DMD: variants seen among roughly 807,000 people sequenced by gnomAD.
The protein encoded by DMD is mutant dystrophin.
In DMD, 63 loss-of-function variants were observed where a neutral mutation model predicts 330.1. The ratio of observed to expected loss-of-function variants is 0.19; its 90% CI spans 0.16 to 0.24. DMD has a LOEUF of 0.24. Ranked by LOEUF, DMD falls within the 10% of genes least tolerant of loss-of-function variation. DMD has a pLI of 1.00. For synonymous variants in DMD, 1,223 were observed against 959.8 expected, an observed-to-expected ratio of 1.27 and a Z score of -5.07; for missense variants, 3,344 against 2,684.1, an observed-to-expected ratio of 1.25 and a Z score of -5.43.
chrX:31,376,481 A>G (rs1354188186), intron 60 of DMD, among the ~76,000 whole-genome samples: 2 of 111,936 alleles, frequency 1.8e-5, no homozygotes, highest in Admixed American at 1.9e-4. Context: ...AGAGGACTTT[A>G]AAGTGGTTGG....
intron 44 of DMD, among the ~76,000 whole-genome samples, chrX:32,066,290 A>T (rs2147738394): frequency 8.9e-6 from 1 of 111,912 alleles, no homozygotes; most frequent in Non-Finnish European, 1.9e-5. Context: ...AAATAAAAAT[A>T]GATGATTGTG....
At chrX:33,033,437 G>A (rs1171756226) in intron 1 of DMD, among the ~76,000 whole-genome samples, 1 of 108,132 alleles carries the variant, frequency 9.2e-6, no homozygotes, top group Non-Finnish European at 1.9e-5. Flanking sequence ...TTGGCCAGGC[G>A]CGGTGGCTCA....
Position 32,111,036 on chromosome X carries a change from T to C in DMD, c.6438+105880A>G, listed in dbSNP as rs747370677. The stretch of plus-strand genomic sequence containing the variant: ...AATGTCTGGACTGTGAAACAGTTTA[T>C]CCATTGTTTACATAAGAAATAATGC... On this transcript the variant is annotated intron_variant, in intron 44 of 78. Coordinates refer to ENST00000357033, the MANE Select transcript of DMD (RefSeq NM_004006.3). Among the ~76,000 whole-genome samples the C allele has an allele frequency of 8.0e-5, 9 of 112,442 alleles. No homozygotes were observed. The East Asian group carries it at 1.7e-3, about 21-fold the overall frequency.
At chrX:32,768,018 C>A (rs748371186) in intron 7 of DMD, among the ~76,000 whole-genome samples, 7 of 111,796 alleles carry the variant, frequency 6.3e-5, no homozygotes, top group Non-Finnish European at 1.3e-4. Context: ...TAACTTTATT[C>A]AATTTCCAGC....
intron 36 of DMD, 63 bp from the exon 37 acceptor site, chrX:32,363,021 AAG>A (rs2097842644): frequency 1.9e-6 from 2 of 1,067,357 alleles, no homozygotes; most frequent in Admixed American, 2.5e-5. Flanking sequence ...AAGATAGAAA[AAG>A]AGAGCCAAAC....
chrX:31,807,507 C>T (rs1022263881), intron 50 of DMD, among the ~76,000 whole-genome samples: 1 of 110,293 alleles, frequency 9.1e-6, no homozygotes, highest in Non-Finnish European at 1.9e-5. Context: ...ATCTTAATGT[C>T]TTTTTCTCTC....
intron 41 of DMD, among the ~76,000 whole-genome samples, chrX:32,326,874 T>A (rs1461442848): frequency 1.9e-5 from 2 of 103,706 alleles, no homozygotes; most frequent in African/African-American, 7.1e-5. Flanking sequence ...GCCACTGCAC[T>A]CCAGCCTGGG....
chrX:33,009,509 TATAC>T (rs2093566107), intron 2 of DMD, among the ~76,000 whole-genome samples: 1 of 94,792 alleles, frequency 1.1e-5, no homozygotes, highest in Non-Finnish European at 2.1e-5. Flanking sequence ...TATATGTGTA[TATAC>T]ACATATGTGT....
chrX:31,314,742 C>CAGAGAGAGAGAGAGAGAAAGAGAGAGAG (rs2055831517), intron 62 of DMD, among the ~76,000 whole-genome samples: 1 of 55,283 alleles, frequency 1.8e-5, no homozygotes, highest in Non-Finnish European at 3.2e-5. Flanking sequence ...AATACATACA[C>CAGAGAGAGAGAGAGAGAAAGAGAGAGAG]AGAGAGAGAG....
chrX:32,117,435 C>T (rs73219215), intron 44 of DMD, among the ~76,000 whole-genome samples: 2,570 of 111,970 alleles, frequency 0.023, 38 homozygotes, highest in Non-Finnish European at 0.037. Flanking sequence ...CCCAGCAGTG[C>T]CCCCTCTTAG....
chrX:32,441,238 T>G lies in DMD; in HGVS notation c.3863A>C (p.Lys1288Thr). The G allele has an allele frequency of 5.8e-6, 7 of 1,209,423 alleles. No individual in the cohort carries two copies. The highest frequency in any genetic ancestry group is 7.8e-6 in the Non-Finnish European group (7 of 893,580). The change falls in exon 28 of 79, where the codon AAA becomes ACA. Residue 1288 changes from lysine to threonine, a missense_variant. Physicochemically the swap from Lys to Thr is moderately conservative, Grantham distance 78. Transcript: ENST00000357033. ...ANKWLNEVEF[K>T]LKTTENIPGG... ...AGGAATGTTTTCAGTGGTTTTAAGT[T>G]TAAATTCTACTTCATTTAGCCACTT...
intron 44 of DMD, among the ~76,000 whole-genome samples, chrX:31,974,600 A>G (rs1037972653): frequency 1.7e-4 from 19 of 110,129 alleles, no homozygotes; most frequent in Admixed American, 3.9e-4. Context: ...TGTTACAGGA[A>G]CTAGAGTCAG....
intron 7 of DMD, among the ~76,000 whole-genome samples, chrX:32,766,563 CTTAA>C (rs756069360): frequency 3.6e-5 from 4 of 110,899 alleles, no homozygotes; most frequent in Non-Finnish European, 7.6e-5. Flanking sequence ...TGCAATTGTG[CTTAA>C]TTTATTAGTT....
At chrX:31,800,972 T>C (rs1295340211) in intron 50 of DMD, among the ~76,000 whole-genome samples, 1 of 111,516 alleles carries the variant, frequency 9.0e-6, no homozygotes, top group Non-Finnish European at 1.9e-5. Context: ...CATTTTCCTG[T>C]CATCTTCTAG....
At chrX:32,163,364 C>G (rs759191409) in intron 44 of DMD, among the ~76,000 whole-genome samples, 1 of 112,476 alleles carries the variant, frequency 8.9e-6, no homozygotes, top group South Asian at 3.7e-4. Context: ...CTGTTCTCCA[C>G]TCCGTGGCTA....
At chrX:32,729,192 C>T (rs1430891596) in intron 7 of DMD, among the ~76,000 whole-genome samples, 1 of 111,799 alleles carries the variant, frequency 8.9e-6, no homozygotes, top group East Asian at 2.8e-4. Context: ...TGAATCATTT[C>T]GGATTTCAGA....
chrX:33,011,939 T>G (rs1258383782), intron 2 of DMD, among the ~76,000 whole-genome samples: 1 of 111,707 alleles, frequency 9.0e-6, no homozygotes, highest in Non-Finnish European at 1.9e-5. Flanking sequence ...TGCTTGGCAC[T>G]GAGACCACTC....
rs1269321237 is a variant in DMD, at chrX:32,653,770, T to C, written c.961-8618A>G. Among the ~76,000 whole-genome samples, 6 of 112,139 alleles carry C rather than the reference T, an allele frequency of 5.4e-5. No homozygotes were observed. The Admixed American group carries it at 5.7e-4, about 11-fold the overall frequency. ...GGGCAGTATGGCCATTTTCACAATA[T>C]TGATTCTTCCTATCCATGAGCATAG... On this transcript the variant is annotated intron_variant, in intron 9 of 78. Transcript: ENST00000357033.
chrX:33,081,706 G>A (rs2094933004), intron 1 of DMD, among the ~76,000 whole-genome samples: 1 of 111,721 alleles, frequency 9.0e-6, no homozygotes, highest in Non-Finnish European at 1.9e-5. Context: ...CTTATCTTCC[G>A]GGTGACCAAA....
Sources: allele counts gnomAD v4.1 joint callset (sites outside exome capture counted in the v4.1 genomes callset), GRCh38; gene constraint gnomAD v4.1.1; transcripts MANE v1.5; gene names NCBI Gene and HGNC (gene_info 2026-07-23, HGNC 2026-07-21).